SOD2: variants seen among roughly 807,000 people sequenced by gnomAD.
SOD2 encodes superoxide dismutase 2.
A neutral mutation model predicts 27.0 loss-of-function variants in SOD2; 11 were observed. The observed-to-expected ratio is 0.41, with a 90% CI of 0.26 to 0.67. The LOEUF is 0.67. Among genes scored for constraint, SOD2 ranks in the 30% least tolerant of loss-of-function variants. The probability of loss-of-function intolerance (pLI) is 0.34; values close to 1 mark genes in which losing one functional copy is unlikely to be tolerated. For synonymous variants in SOD2, 105 were observed against 103.0 expected (o/e 1.02, Z -0.12); for missense variants, 250 against 274.5 (o/e 0.91, Z 0.63).
chr6:159,693,118 C>T (rs2758342), intron 1 of SOD2, 27 bp downstream of exon 1: 23 of 1,527,540 alleles, frequency 1.5e-5, no homozygotes, highest in Non-Finnish European at 1.8e-5. Flanking sequence ...GCCCTTGGGG[C>T]CGTGACCGGG....
chr6:159,690,263 C>T (rs372364521), intron 2 of SOD2, among the ~76,000 whole-genome samples: 2 of 126,594 alleles, frequency 1.6e-5, no homozygotes, highest in African/African-American at 3.1e-5. Context: ...CTCCAACCTG[C>T]GGGACAGACT....
In SOD2 at chr6:159,682,083, G is replaced by T. The variant is rs5746134; in HGVS notation, c.*410C>A. On this transcript the variant is annotated 3_prime_UTR_variant, in exon 5 of 5. Coordinates refer to ENST00000538183, the MANE Select transcript of SOD2 (RefSeq NM_000636.4). ...AAAGTGCAATTTTCTATAGAAAGCC[G>T]AGTGTTTCCCTTGGGAAAGTGTTAA... The T allele has an allele frequency of 6.5e-6, 1 of 153,914 alleles. No homozygotes were observed. The highest frequency in any genetic ancestry group is 6.5e-5 in the Admixed American group (1 of 15,370). The allele number at this position is 153,914 out of a possible 1,614,324, so 9.5% of individuals were successfully genotyped here. A position where few individuals can be genotyped will look rare whatever the true frequency, so the allele number is the denominator to read the frequency against.
exon 1 of SOD2, chr6:159,761,980 A>C: frequency 7.8e-7 from 1 of 1,276,954 alleles, no homozygotes; most frequent in African/African-American, 1.5e-5. Context: ...GTGGAGGGCG[A>C]GGGGCGGGGC....
upstream of SOD2, among the ~76,000 whole-genome samples, chr6:159,731,559 A>G (rs1475551019): frequency 6.6e-6 from 1 of 152,232 alleles, no homozygotes; most frequent in Non-Finnish European, 1.5e-5. Flanking sequence ...TAAGTGTTAG[A>G]AACAGTCGGG....
intron 1 of SOD2, among the ~76,000 whole-genome samples, chr6:159,758,973 T>TG (rs1330093176): frequency 6.6e-6 from 1 of 152,146 alleles, no homozygotes; most frequent in Non-Finnish European, 1.5e-5. Flanking sequence ...AGTAAGCACT[T>TG]GGAGATTTTT....
chr6:159,725,316 A>G (rs1464286390), intron 1 of SOD2, among the ~76,000 whole-genome samples: 4 of 152,072 alleles, frequency 2.6e-5, no homozygotes, highest in Admixed American at 2.0e-4. Context: ...TCCCATCTCT[A>G]TTAAAAATAC....
chr6:159,755,350 TAATA>T, intron 1 of SOD2: 1 of 1,614,140 alleles, frequency 6.2e-7, no homozygotes, highest in Non-Finnish European at 8.5e-7. Flanking sequence ...CAGGGAATGG[TAATA>T]AGTCCTCCAA....
At chr6:159,682,740 C>T in intron 4 of SOD2, 102 bp from the exon 5 acceptor site, 1 of 1,131,572 alleles carries the variant, frequency 8.8e-7, no homozygotes, top group Non-Finnish European at 1.2e-6. Flanking sequence ...CAAAATTACC[C>T]TTTGTAACAA....
At chr6:159,693,035 C>T in intron 1 of SOD2, 110 bp downstream of exon 1, 3 of 1,461,166 alleles carry the variant, frequency 2.1e-6, no homozygotes, top group South Asian at 2.6e-5. Flanking sequence ...CCTGCAGGTG[C>T]CCCGGTCCCG....
At chr6:159,701,569 CAAA>C (rs752905908) in intron 1 of SOD2, among the ~76,000 whole-genome samples, 10 of 78,024 alleles carry the variant, frequency 1.3e-4, no homozygotes, top group Admixed American at 2.9e-4. Context: ...GACCCTGTTT[CAAA>C]AAAAAAAAAA....
intron 3 of SOD2, among the ~76,000 whole-genome samples, chr6:159,687,337 T>C (rs1280566295): frequency 1.3e-5 from 2 of 151,962 alleles, no homozygotes; most frequent in Admixed American, 6.5e-5. Context: ...ATATAAAAAT[T>C]AGCCGGGAGT....
intron 1 of SOD2, among the ~76,000 whole-genome samples, chr6:159,706,127 T>C (rs1271926443): frequency 2.6e-5 from 4 of 152,014 alleles, no homozygotes; most frequent in African/African-American, 7.3e-5. Flanking sequence ...GCACTAAACA[T>C]AGAAAGGAAC....
Position 159,692,907 on chromosome 6 carries a change from C to T in SOD2, c.24-44G>A, listed in dbSNP as rs1455518869. 3 of 1,505,390 alleles carry T rather than the reference C, an allele frequency of 2.0e-6. No individual in the cohort carries two copies. In the South Asian group the frequency reaches 3.7e-5, roughly 19 times the overall value. 93.3% of individuals were successfully genotyped at this position (1,505,390 alleles called of 1,614,324 possible). On this transcript the variant is annotated intron_variant, in intron 1 of 4. Coordinates refer to ENST00000538183, the MANE Select transcript of SOD2 (RefSeq NM_000636.4). ...AGCCCGGTCAGTCAGCGCCGCGGGA[C>T]CGTCTACGCAGGCTGGGCTGCCGAG... is the stretch of plus-strand genomic sequence containing the variant.
At chr6:159,698,579 A>G (rs1480621391) in intron 1 of SOD2, among the ~76,000 whole-genome samples, 1,767 of 43,422 alleles carry the variant, frequency 0.041, 17 homozygotes, top group Middle Eastern at 0.071. Context: ...CTCAAAAAAA[A>G]AAAAAAAAAA....
upstream of SOD2, chr6:159,727,740 G>C (rs1485034782): frequency 1.0e-6 from 1 of 985,068 alleles, no homozygotes; most frequent in Non-Finnish European, 1.2e-6. Context: ...GGACGCGGGG[G>C]ACCTCCGGGG....
Position 159,680,610 on chromosome 6 carries a change from T to G in SOD2, c.*1883A>C, listed in dbSNP as rs757173073. 3.3e-5 allele frequency: 5 copies of G among 151,402 alleles called. No individual in the cohort carries two copies. The highest frequency in any genetic ancestry group is 5.9e-5 in the Non-Finnish European group (4 of 67,824). The allele number at this position is 151,402 out of a possible 1,614,324, so 9.4% of individuals were successfully genotyped here. Reference sequence around the variant, plus strand: ...AAAAAATTAAAAATAAAAAATAAACTTGGGAAAACATTACTAAATAGGTTT... The same window carrying G: ...AAAAAATTAAAAATAAAAAATAAACGTGGGAAAACATTACTAAATAGGTTT... On this transcript the variant is annotated 3_prime_UTR_variant, in exon 5 of 5. Coordinates refer to ENST00000538183, the MANE Select transcript of SOD2 (RefSeq NM_000636.4).
At chr6:159,702,852 A>G (rs1275041069) in intron 1 of SOD2, among the ~76,000 whole-genome samples, 8 of 19,532 alleles carry the variant, frequency 4.1e-4, no homozygotes, top group Non-Finnish European at 7.1e-4. Flanking sequence ...CCTATCTCGA[A>G]AAAAAAAAAA....
chr6:159,724,827 G>C (rs1267041726), intron 1 of SOD2, among the ~76,000 whole-genome samples: 1 of 148,892 alleles, frequency 6.7e-6, no homozygotes, highest in Non-Finnish European at 1.5e-5. Context: ...ACTCCAGCCT[G>C]GACGACAGAG....
chr6:159,710,761 C>T (rs1434893700), intron 1 of SOD2, among the ~76,000 whole-genome samples: 1 of 144,792 alleles, frequency 6.9e-6, no homozygotes, highest in African/African-American at 2.5e-5. Flanking sequence ...ACTCATACTG[C>T]TCTGACCTCC....
Sources: allele counts gnomAD v4.1 joint callset (sites outside exome capture counted in the v4.1 genomes callset), GRCh38; gene constraint gnomAD v4.1.1; transcripts MANE v1.5; gene names NCBI Gene and HGNC (gene_info 2026-07-23, HGNC 2026-07-21).